PIK3CD: variants seen among roughly 807,000 people sequenced by gnomAD.
The protein encoded by PIK3CD is phosphatidylinositol 4,5-bisphosphate 3-kinase catalytic subunit delta isoform.
A neutral mutation model predicts 122.9 loss-of-function variants in PIK3CD; 20 were observed. The ratio of observed to expected loss-of-function variants is 0.16; its 90% confidence interval spans 0.11 to 0.24. The LOEUF (loss-of-function observed/expected upper bound fraction) is 0.24. Among genes scored for constraint, PIK3CD ranks in the 10% least tolerant of loss-of-function variants. The pLI is 1.00. For synonymous variants in PIK3CD, 596 were observed against 593.4 expected (o/e 1.00, Z -0.06); for missense variants, 787 against 1,406.3 (o/e 0.56, Z 7.04).
chr1:9,691,925 A>T (rs988689338), intron 2 of PIK3CD: 1 of 182,840 alleles, frequency 5.5e-6, no homozygotes, highest in African/African-American at 2.3e-5. Context: ...GGAGAGAAAT[A>T]TTAAAAGTTT....
At chr1:9,675,687 C>T (rs1248022236) in intron 1 of PIK3CD, among the ~76,000 whole-genome samples, 1 of 151,612 alleles carries the variant, frequency 6.6e-6, no homozygotes, top group Non-Finnish European at 1.5e-5. Context: ...TTCACTTGTC[C>T]CCTCACCCCC....
At position 9,715,482 on chromosome 1, in the gene PIK3CD, C is replaced by A; in HGVS notation, c.142-59C>A. Reference sequence around the variant, plus strand: ...AGGCCAGCTCTCCACCCTCCCTCAGCCTCCCACCTCCCAGTGGCTGCCTTG... The same window carrying A: ...AGGCCAGCTCTCCACCCTCCCTCAGACTCCCACCTCCCAGTGGCTGCCTTG... On this transcript the variant is annotated intron_variant, in intron 3 of 23. Transcript: ENST00000377346. This position sits in a 1 kb window ranked among gnomAD's most constrained non-coding sequence, Gnocchi z 4.1. 1 of 1,495,266 alleles carries A rather than the reference C, an allele frequency of 6.7e-7. No individual in the cohort carries two copies. Among genetic ancestry groups the A allele is most frequent in the Non-Finnish European group, 9.3e-7 (1 of 1,079,364 alleles). The allele number at this position is 1,495,266 out of a possible 1,614,324, so 92.6% of individuals were successfully genotyped here.
In PIK3CD at chr1:9,689,394, G is replaced by C. The variant is rs576566724; in HGVS notation, c.-137-2073G>C. 4.3e-4 allele frequency among the ~76,000 whole-genome samples: 65 copies of C among 151,816 alleles called. 1 individual carries two copies. In the Middle Eastern group the frequency reaches 0.02, roughly 48 times the overall value. On this transcript the variant is annotated intron_variant, in intron 1 of 23. Transcript: ENST00000377346. This position sits in a 1 kb window ranked among gnomAD's most constrained non-coding sequence, Gnocchi z 6.1. ...CTCTCTCCGCCGCCCGTGTGAGCTC[G>C]GGCGCTTCTCCCGGCTGGGGGTGTG... is the stretch of plus-strand genomic sequence containing the variant.
intron 2 of PIK3CD, 153 bp downstream of exon 2, chr1:9,691,724 A>G: frequency 2.6e-6 from 1 of 389,952 alleles, no homozygotes. Context: ...GAAGAGAGTG[A>G]CCCAAATTGG....
intron 2 of PIK3CD, among the ~76,000 whole-genome samples, chr1:9,707,806 T>A (rs1445122691): frequency 1.3e-5 from 2 of 151,730 alleles, no homozygotes; most frequent in African/African-American, 4.8e-5. Context: ...TTTTGTTTTT[T>A]TTTTTGAGAT....
At chr1:9,701,544 A>G (rs1286161770) in intron 2 of PIK3CD, among the ~76,000 whole-genome samples, 2 of 151,978 alleles carry the variant, frequency 1.3e-5, no homozygotes, top group Non-Finnish European at 2.9e-5. Context: ...ACAGTGGCAG[A>G]CACCTGTAAT....
Position 9,654,121 on chromosome 1 carries a change from T to C in PIK3CD, c.-138+2319T>C, listed in dbSNP as rs906343421. 3.4e-6 allele frequency: 4 copies of C among 1,193,878 alleles called. No homozygotes were observed. The Admixed American group carries it at 9.1e-5, about 27-fold the overall frequency. The allele number at this position is 1,193,878 out of a possible 1,614,324, so 74.0% of individuals were successfully genotyped here. On this transcript the variant is annotated intron_variant, in intron 1 of 23. Coordinates refer to ENST00000377346, the MANE Select transcript of PIK3CD (RefSeq NM_005026.5). Reference sequence around the variant, plus strand: ...TTGCCTGCTCCAGAGACAACTAAGCTAGCCTCCTTCTGAGCCCCACTTCCC... The same window carrying C: ...TTGCCTGCTCCAGAGACAACTAAGCCAGCCTCCTTCTGAGCCCCACTTCCC...
chr1:9,705,385 T>C (rs1193904446), intron 2 of PIK3CD, among the ~76,000 whole-genome samples: 1 of 148,964 alleles, frequency 6.7e-6, no homozygotes, highest in African/African-American at 2.5e-5. Flanking sequence ...TAGTCCCAGC[T>C]ACCTGGGAGC....
the PIK3CD span, among the ~76,000 whole-genome samples, chr1:9,634,146 GTTGTT>G: frequency 0.18 from 20,631 of 115,776 alleles, 1,578 homozygotes; most frequent in East Asian, 0.25. Flanking sequence ...TAATTTTTGG[GTTGTT>G]TTTTTTTTTT....
At chr1:9,677,899 C>A (rs1645598726) in intron 1 of PIK3CD, among the ~76,000 whole-genome samples, 1 of 151,812 alleles carries the variant, frequency 6.6e-6, no homozygotes, top group African/African-American at 2.4e-5. Flanking sequence ...GCCTGTAATC[C>A]CAGCACTTTG....
chr1:9,725,610 G>A (rs755938407), intron 23 of PIK3CD, among the ~76,000 whole-genome samples: 25 of 151,872 alleles, frequency 1.6e-4, no homozygotes, highest in Non-Finnish European at 3.2e-4. Context: ...CGGGTGCGGT[G>A]GCTCACGCCT....
Position 9,710,309 on chromosome 1 carries a change from A to T in PIK3CD, c.-32-115A>T. 1 of 860,298 alleles carries T rather than the reference A, an allele frequency of 1.2e-6. No homozygotes were observed. Among genetic ancestry groups the T allele is most frequent in the Non-Finnish European group, 2.0e-6 (1 of 510,298 alleles). The allele number at this position is 860,298 out of a possible 1,614,324, so 53.3% of individuals were successfully genotyped here. ...AGCTTTTTGTACCCGCAGGTCGGGA[A>T]CTCACTCCTGAGCTTCCTGCTGTCC... is the stretch of plus-strand genomic sequence containing the variant. On this transcript the variant is annotated intron_variant, in intron 2 of 23. Transcript: ENST00000377346. This position sits in a 1 kb window ranked among gnomAD's most constrained non-coding sequence, Gnocchi z 4.7.
intron 1 of PIK3CD, among the ~76,000 whole-genome samples, chr1:9,673,291 C>T (rs1036187501): frequency 1.3e-5 from 2 of 151,724 alleles, no homozygotes; most frequent in Non-Finnish European, 2.9e-5. Flanking sequence ...ACAGAGTCTC[C>T]CTCTGTCGCC....
chr1:9,631,997 TTCTA>T, the PIK3CD span, among the ~76,000 whole-genome samples: 10 of 136,816 alleles, frequency 7.3e-5, no homozygotes, highest in East Asian at 2.5e-4. Flanking sequence ...TCCTTCCTTC[TTCTA>T]TCTTTCTTTT....
intron 1 of PIK3CD, among the ~76,000 whole-genome samples, chr1:9,667,236 C>T (rs908751909): frequency 3.3e-5 from 5 of 151,982 alleles, no homozygotes; most frequent in Non-Finnish European, 7.4e-5. Context: ...GAGGCTGAGG[C>T]GAGAGGATTG....
intron 2 of PIK3CD, among the ~76,000 whole-genome samples, chr1:9,701,966 C>T (rs1274699689): frequency 3.3e-5 from 5 of 151,806 alleles, no homozygotes; most frequent in Non-Finnish European, 7.4e-5. Context: ...ACCTGCCAGG[C>T]CCTGTCTGTA....
intron 3 of PIK3CD, among the ~76,000 whole-genome samples, chr1:9,713,822 A>G (rs1174427392): frequency 6.7e-6 from 1 of 149,088 alleles, no homozygotes; most frequent in African/African-American, 2.5e-5. Flanking sequence ...TGCCCAAGCT[A>G]TAGATAGCAT....
chr1:9,634,152 T>G, the PIK3CD span, among the ~76,000 whole-genome samples: 6 of 99,522 alleles, frequency 6.0e-5, 1 homozygote, highest in South Asian at 9.7e-4. Flanking sequence ...TTGGGTTGTT[T>G]TTTTTTTTTT....
In PIK3CD at chr1:9,700,192, G is replaced by A. The variant is rs1377145540; in HGVS notation, c.-33+8621G>A. Among the ~76,000 whole-genome samples, 1 of 152,168 alleles carries A rather than the reference G, an allele frequency of 6.6e-6. No homozygotes were observed. The highest frequency in any genetic ancestry group is 2.4e-5 in the African/African-American group (1 of 41,436). On this transcript the variant is annotated intron_variant, in intron 2 of 23. Coordinates refer to ENST00000377346, the MANE Select transcript of PIK3CD (RefSeq NM_005026.5). The surrounding 1 kb of genome is among the most constrained non-coding windows in gnomAD (Gnocchi z 5.1). ...CTTGCCCAGGCTGGAATGCAGTGGT[G>A]TGATCTCGGCTCATTGCAGCCTCCC...
Sources: allele counts gnomAD v4.1 joint callset (sites outside exome capture counted in the v4.1 genomes callset), GRCh38; gene constraint gnomAD v4.1.1; non-coding constraint Gnocchi (gnomAD v3.1); transcripts MANE v1.5; gene names NCBI Gene and HGNC (gene_info 2026-07-23, HGNC 2026-07-21).